The following FRMPD1 variants were observed in gnomAD, a reference collection of about 807,000 sequenced individuals.
FRMPD1 encodes the protein FERM and PDZ domain-containing protein 1.
Under a neutral mutation model 117.8 loss-of-function variants are expected in FRMPD1, and 76 were observed. That is an observed-to-expected ratio of 0.65 (90% CI 0.54 to 0.78). FRMPD1 has a LOEUF of 0.78. Among genes scored for constraint, FRMPD1 ranks in the 30% least tolerant of loss-of-function variants. The probability of loss-of-function intolerance (pLI) is 0.00; values close to 1 mark genes in which losing one functional copy is unlikely to be tolerated. For synonymous variants in FRMPD1, 783 were observed against 770.4 expected (o/e 1.02, Z -0.27); for missense variants, 1,786 against 1,964.5 (o/e 0.91, Z 1.72).
chr9:37,702,554 A>G (rs942834771), intron 2 of FRMPD1, among the ~76,000 whole-genome samples: 4 of 152,230 alleles, frequency 2.6e-5, no homozygotes, highest in African/African-American at 9.6e-5. Context: ...CACTTTCTGC[A>G]GAGGCAGTTG....
Position 37,744,771 on chromosome 9 carries a change from C to T in FRMPD1, c.2739C>T (p.Ser913=), listed in dbSNP as rs1255157449. Reference sequence around the variant, plus strand: ...TGGCTCCTCTGAGGGAGACCAAGAGCACAAACCCAGCCTCCAGGGTCATGG... The same window carrying T: ...TGGCTCCTCTGAGGGAGACCAAGAGTACAAACCCAGCCTCCAGGGTCATGG... ...GLLAPLRETK[S]TNPASRVMEM... is the part of the protein sequence containing the mutation. The change falls in exon 16 of 16, where the codon AGC becomes AGT. Residue 913 remains serine, a synonymous_variant. Coordinates refer to ENST00000377765, the MANE Select transcript of FRMPD1 (RefSeq NM_014907.3). The T allele has an allele frequency of 6.2e-7, 1 of 1,614,150 alleles. No homozygotes were observed. The highest frequency in any genetic ancestry group is 8.5e-7 in the Non-Finnish European group (1 of 1,180,030).
intron 4 of FRMPD1, 21 bp from the exon 5 acceptor site, chr9:37,711,329 C>G (rs752129053): frequency 6.4e-7 from 1 of 1,571,064 alleles, no homozygotes; most frequent in East Asian, 2.2e-5. Flanking sequence ...ATGTTTTTGT[C>G]TTTATTCTTT....
intron 1 of FRMPD1, among the ~76,000 whole-genome samples, chr9:37,672,133 T>A (rs1821372328): frequency 6.6e-6 from 1 of 152,220 alleles, no homozygotes; most frequent in Non-Finnish European, 1.5e-5. Flanking sequence ...GTGGTGATGG[T>A]TGCACAGCTC....
chr9:37,675,953 G>A (rs1330655961), intron 1 of FRMPD1, among the ~76,000 whole-genome samples: 3 of 152,212 alleles, frequency 2.0e-5, no homozygotes, highest in African/African-American at 7.2e-5. Flanking sequence ...TCTCTTCTGA[G>A]AGATCATCTC....
intron 1 of FRMPD1, among the ~76,000 whole-genome samples, chr9:37,669,367 C>G (rs920917993): frequency 6.6e-6 from 1 of 152,130 alleles, no homozygotes; most frequent in African/African-American, 2.4e-5. Context: ...GTGAGAAATA[C>G]GAACTCTCAG....
chr9:37,710,959 C>CAAAAA (rs33962036), intron 4 of FRMPD1, among the ~76,000 whole-genome samples: 51 of 106,944 alleles, frequency 4.8e-4, no homozygotes, highest in African/African-American at 1.5e-3. Flanking sequence ...CTCTGTCTCA[C>CAAAAA]AAAAAAAAAA....
intron 14 of FRMPD1, among the ~76,000 whole-genome samples, chr9:37,738,069 A>G (rs1019438957): frequency 2.6e-5 from 4 of 152,156 alleles, no homozygotes; most frequent in Non-Finnish European, 5.9e-5. Flanking sequence ...GTGCTGATAA[A>G]TGCTTAACAA....
intron 4 of FRMPD1, 49 bp downstream of exon 4, chr9:37,708,550 A>G: frequency 9.1e-7 from 1 of 1,096,548 alleles, no homozygotes; most frequent in Non-Finnish European, 1.4e-6. Flanking sequence ...ATTATCAAAG[A>G]ACAAAGATGG....
At chr9:37,649,906 T>C (rs77446821), upstream of FRMPD1, among the ~76,000 whole-genome samples, 741 of 152,286 alleles carry the variant, frequency 4.9e-3, 6 homozygotes, top group African/African-American at 0.016. Context: ...GGTCTCAACC[T>C]GAAAGGCTCT....
the FRMPD1 span, chr9:37,637,011 A>T: frequency 5.1e-6 from 8 of 1,564,022 alleles, no homozygotes; most frequent in Non-Finnish European, 7.0e-6. Context: ...TTGGCATAGG[A>T]TTCCTGGTCA....
chr9:37,640,944 G>A, the FRMPD1 span, among the ~76,000 whole-genome samples: 7 of 152,174 alleles, frequency 4.6e-5, no homozygotes, highest in Non-Finnish European at 1.0e-4. Flanking sequence ...GCAATGGAGC[G>A]CAGTAAAATC....
chr9:37,728,013 T>C (rs1180198574), intron 7 of FRMPD1: 5 of 152,272 alleles, frequency 3.3e-5, no homozygotes, highest in Non-Finnish European at 5.9e-5. Context: ...GCCCACATCC[T>C]CAGAGAGTTT....
At chr9:37,714,652 T>C (rs10814607) in intron 5 of FRMPD1, among the ~76,000 whole-genome samples, 3,192 of 78,018 alleles carry the variant, frequency 0.041, 71 homozygotes, top group East Asian at 0.15. Flanking sequence ...TTTATCTTAT[T>C]TTATTTATTT....
intron 5 of FRMPD1, among the ~76,000 whole-genome samples, chr9:37,717,644 C>T (rs1236151884): frequency 3.3e-5 from 5 of 152,006 alleles, no homozygotes; most frequent in Non-Finnish European, 2.9e-5. Flanking sequence ...CCTCCCAAAG[C>T]GCTGGGATTA....
chr9:37,635,437 T>G, the FRMPD1 span, among the ~76,000 whole-genome samples: 1 of 152,230 alleles, frequency 6.6e-6, no homozygotes, highest in African/African-American at 2.4e-5. Context: ...TTTCTTTTTT[T>G]TTGTTTTCCT....
intron 13 of FRMPD1, among the ~76,000 whole-genome samples, chr9:37,736,846 T>C (rs1265196215): frequency 6.7e-6 from 1 of 149,596 alleles, no homozygotes; most frequent in Non-Finnish European, 1.5e-5. Flanking sequence ...AGTGAGTGTG[T>C]GAGTGCGTGA....
At chr9:37,714,246 T>C (rs1274063357) in intron 5 of FRMPD1, among the ~76,000 whole-genome samples, 2 of 152,232 alleles carry the variant, frequency 1.3e-5, no homozygotes, top group Non-Finnish European at 2.9e-5. Flanking sequence ...TATCATCTCA[T>C]TGGAGAGTAT....
chr9:37,684,329 A>G (rs988930271), intron 1 of FRMPD1, among the ~76,000 whole-genome samples: 25 of 152,172 alleles, frequency 1.6e-4, no homozygotes, highest in African/African-American at 5.1e-4. Flanking sequence ...TTTTTTGTAA[A>G]TGAGAATTAT....
intron 15 of FRMPD1, among the ~76,000 whole-genome samples, chr9:37,741,478 C>CACAT (rs954073745): frequency 3.0e-5 from 4 of 131,736 alleles, no homozygotes; most frequent in Non-Finnish European, 6.9e-5. Flanking sequence ...CACACACACA[C>CACAT]ACACACACAC....
Sources: gnomAD v4.1 joint callset for allele counts (sites outside exome capture counted in the v4.1 genomes callset) on GRCh38, gnomAD v4.1.1 for gene constraint, MANE v1.5 for transcripts, NCBI Gene and HGNC (gene_info 2026-07-23, HGNC 2026-07-21) for gene names.